Variants in SARS1 observed in about 807,000 individuals in gnomAD.
SARS1 encodes the protein seryl-tRNA synthetase 1.
Under a neutral mutation model 63.7 loss-of-function variants are expected in SARS1, and 25 were observed. The ratio of observed to expected loss-of-function variants is 0.39; its 90% CI spans 0.29 to 0.55. The LOEUF (loss-of-function observed/expected upper bound fraction) is 0.55, where lower values mean the gene tolerates loss of function less well. SARS1 is among the 20% of genes least tolerant of loss of function. The pLI, the probability that SARS1 is intolerant of heterozygous loss-of-function variation, is 0.62. For missense variants in SARS1, 417 were observed against 649.7 expected, an observed-to-expected ratio of 0.64 and a Z score of 3.89; for synonymous variants, 231 against 243.5, an observed-to-expected ratio of 0.95 and a Z score of 0.48.
At chr1:109,236,833 A>G (rs1329268814) in intron 9 of SARS1, 5 of 1,603,180 alleles carry the variant, frequency 3.1e-6, no homozygotes. Flanking sequence ...TTATCTACAC[A>G]GAACAAGTTG....
At chr1:109,215,742 A>G in intron 1 of SARS1, 1 of 792,038 alleles carries the variant, frequency 1.3e-6, no homozygotes, top group Non-Finnish European at 1.5e-6. Flanking sequence ...GTCTCTCATT[A>G]TCACCCAGAT....
In SARS1 at chr1:109,214,615, G is replaced by A. The variant is rs530798829; in HGVS notation, c.136+487G>A. 4 of 985,852 alleles carry A rather than the reference G, an allele frequency of 4.1e-6. No individual in the cohort carries two copies. In the South Asian group the frequency reaches 1.4e-4, roughly 35 times the overall value. 61.1% of individuals were successfully genotyped at this position (985,852 alleles called of 1,614,324 possible). A position where few individuals can be genotyped will look rare whatever the true frequency, so the allele number is the denominator to read the frequency against. ...TAGATTCATTCCTTCGGTATCGGAAGCATTTCGGGGCGTTGGAGGCCGCTC... is the reference window on the plus strand; with the variant it reads ...TAGATTCATTCCTTCGGTATCGGAAACATTTCGGGGCGTTGGAGGCCGCTC... On this transcript the variant is annotated intron_variant, in intron 1 of 10. Transcript: ENST00000234677. This position sits in a 1 kb window ranked among gnomAD's most constrained non-coding sequence, Gnocchi z 4.6.
chr1:109,231,800 GT>G lies in SARS1; in HGVS notation c.747+15del. ...GAACTTTATAAGGTGAGTAGCCTGGGTCAGGTGACAGAATGACTTCTTAAGT... is the reference window on the plus strand; with the variant it reads ...GAACTTTATAAGGTGAGTAGCCTGGGCAGGTGACAGAATGACTTCTTAAGT... On this transcript the variant is annotated intron_variant, in intron 6 of 10. Coordinates refer to ENST00000234677, the MANE Select transcript of SARS1 (RefSeq NM_006513.4). 1.3e-6 allele frequency: 2 copies of G among 1,502,972 alleles called. No individual in the cohort carries two copies. The highest frequency in any genetic ancestry group is 2.7e-5 in the South Asian group (2 of 73,986). 93.1% of individuals were successfully genotyped at this position (1,502,972 alleles called of 1,614,324 possible).
rs1655325993 is a variant in SARS1, at chr1:109,237,035, G to A, written c.1258-209G>A. On this transcript the variant is annotated intron_variant, in intron 9 of 10. Transcript: ENST00000234677. This position sits in a 1 kb window ranked among gnomAD's most constrained non-coding sequence, Gnocchi z 4.1. ...CAGAAGCTACCACTTGTCACTCATCGAAACATGAGGGATCTTTCTGCAGTT... is the reference window on the plus strand; with the variant it reads ...CAGAAGCTACCACTTGTCACTCATCAAAACATGAGGGATCTTTCTGCAGTT... The A allele has an allele frequency of 3.2e-6, 4 of 1,239,750 alleles. No homozygotes were observed. The highest frequency in any genetic ancestry group is 4.3e-4 in the Middle Eastern group (2 of 4,598). The allele number at this position is 1,239,750 out of a possible 1,614,324, so 76.8% of individuals were successfully genotyped here.
intron 2 of SARS1, 66 bp from the exon 3 acceptor site, chr1:109,228,286 A>G: frequency 8.5e-7 from 1 of 1,174,032 alleles, no homozygotes; most frequent in South Asian, 1.3e-5. Flanking sequence ...TTTGGTGTAC[A>G]CTTTATAAAA....
rs963981783 is a variant in SARS1 at position 109,216,397 on chromosome 1, G to T, written c.136+2269G>T. On this transcript the variant is annotated intron_variant, in intron 1 of 10. Transcript: ENST00000234677. ...TAACTTGGAGTGATAATACCACATTGGAACTCACAACTCTTCTAACTCCAG... is the reference window on the plus strand; with the variant it reads ...TAACTTGGAGTGATAATACCACATTTGAACTCACAACTCTTCTAACTCCAG... The T allele has an allele frequency of 9.1e-6, 9 of 985,136 alleles. No homozygotes were observed. The Admixed American group carries it at 4.9e-4, about 54-fold the overall frequency. The allele number at this position is 985,136 out of a possible 1,614,324, so 61.0% of individuals were successfully genotyped here. A position where few individuals can be genotyped will look rare whatever the true frequency, so the allele number is the denominator to read the frequency against.
Position 109,214,415 on chromosome 1 carries a change from C to A in SARS1, c.136+287C>A. On this transcript the variant is annotated intron_variant, in intron 1 of 10. Transcript: ENST00000234677. This position sits in a 1 kb window ranked among gnomAD's most constrained non-coding sequence, Gnocchi z 4.6. ...CGGGAGCTGTCAAGCCTTCCTGCCC[C>A]AGGGGTTGCCAGAACATGCCGGGGC... 1.4e-6 allele frequency: 1 copy of A among 703,796 alleles called. No homozygotes were observed. Among genetic ancestry groups the A allele is most frequent in the Non-Finnish European group, 2.0e-6 (1 of 512,570 alleles). The allele number at this position is 703,796 out of a possible 1,614,324, so 43.6% of individuals were successfully genotyped here.
At chr1:109,216,689 C>A in intron 1 of SARS1, 1 of 691,490 alleles carries the variant, frequency 1.4e-6, no homozygotes, top group Non-Finnish European at 1.8e-6. Flanking sequence ...GGCATGATCA[C>A]AGCTCACTGC....
chr1:109,230,923 A>C lies in SARS1; in HGVS notation c.493A>C (p.Arg165=), dbSNP rs1655196446. Residue 165 remains arginine, a synonymous_variant, in exon 5 of 11, where the codon AGG becomes CGG. Transcript: ENST00000234677. ...VERIWGDCTV[R]KKYSHVDLVV... ...GAGGATTTGGGGTGATTGTACAGTC[A>C]GGAAGAAGTACTCTCATGTGGACCT... 2 of 1,602,468 alleles carry C rather than the reference A, an allele frequency of 1.2e-6. No individual in the cohort carries two copies. The highest frequency in any genetic ancestry group is 2.2e-5 in the South Asian group (2 of 89,968).
rs66909315 is a variant in SARS1, at chr1:109,231,083, A to T, written c.591+62A>T. ...AAAGAAACAAAATATATATATATAT[A>T]TTTTTTTTTTTTTTTGTAGAGAAAC... On this transcript the variant is annotated intron_variant, in intron 5 of 10. Coordinates refer to ENST00000234677, the MANE Select transcript of SARS1 (RefSeq NM_006513.4). The T allele has an allele frequency of 6.1e-4, 415 of 680,480 alleles. 2 individuals are homozygous for T. The highest frequency in any genetic ancestry group is 2.8e-3 in the African/African-American group (130 of 47,018). 42.2% of individuals were successfully genotyped at this position (680,480 alleles called of 1,614,324 possible).
Position 109,235,908 on chromosome 1 carries a change from A to G in SARS1, c.970-69A>G, listed in dbSNP as rs1655297120. 1 of 1,443,662 alleles carries G rather than the reference A, an allele frequency of 6.9e-7. No individual in the cohort carries two copies. The highest frequency in any genetic ancestry group is 9.3e-7 in the Non-Finnish European group (1 of 1,070,402). 89.4% of individuals were successfully genotyped at this position (1,443,662 alleles called of 1,614,324 possible). A position where few individuals can be genotyped will look rare whatever the true frequency, so the allele number is the denominator to read the frequency against. On this transcript the variant is annotated intron_variant, in intron 7 of 10. Transcript: ENST00000234677. The surrounding 1 kb of genome is among the most constrained non-coding windows in gnomAD (Gnocchi z 4.7). The stretch of plus-strand genomic sequence containing the variant: ...GTGGAAACAGGTCTTCATGGCAAGG[A>G]TGTCTCCCACTTCAGTCCTTTATTC...
chr1:109,229,630 C>T (rs1030375268), intron 4 of SARS1, 58 bp downstream of exon 4: 30 of 1,553,432 alleles, frequency 1.9e-5, no homozygotes, highest in South Asian at 1.0e-4. Context: ...TCTGCAGGGG[C>T]GGGGACGGGA....
At position 109,224,039 on chromosome 1, in the gene SARS1, G is replaced by C; in HGVS notation, c.198G>C (p.Glu66Asp). ...LKNLCSKTIG[E>D]KMKKKEPVGD... Reference sequence around the variant, plus strand: ...ACCTATGCAGCAAGACAATCGGAGAGAAAATGAAGGTAAGAGAACTGAATA... The same window carrying C: ...ACCTATGCAGCAAGACAATCGGAGACAAAATGAAGGTAAGAGAACTGAATA... Residue 66 changes from glutamate (E) to aspartate (D), a missense_variant, in exon 2 of 11, where the codon GAG becomes GAC. Glu to Asp is a conservative substitution (Grantham distance 45). This residue lies in a region of SARS1 where 359 missense variants were observed against 529.6 expected (regional missense o/e 0.68). Coordinates refer to ENST00000234677, the MANE Select transcript of SARS1 (RefSeq NM_006513.4). The C allele has an allele frequency of 6.2e-7, 1 of 1,612,576 alleles. No individual in the cohort carries two copies. Among genetic ancestry groups the C allele is most frequent in the Non-Finnish European group, 8.5e-7 (1 of 1,178,608 alleles).
chr1:109,238,059 G>T lies in SARS1; in HGVS notation c.*171G>T, dbSNP rs1655352397. The T allele has an allele frequency of 1.4e-6, 1 of 692,326 alleles. No individual in the cohort carries two copies. Among genetic ancestry groups the T allele is most frequent in the Non-Finnish European group, 2.5e-6 (1 of 406,404 alleles). 42.9% of individuals were successfully genotyped at this position (692,326 alleles called of 1,614,324 possible). ...CACAGATGTTCCTGTCTCCTCGCATGGGCATAGGGACCCATCATTGATGAC... is the reference window on the plus strand; with the variant it reads ...CACAGATGTTCCTGTCTCCTCGCATTGGCATAGGGACCCATCATTGATGAC... On this transcript the variant is annotated 3_prime_UTR_variant, in exon 11 of 11. Coordinates refer to ENST00000234677, the MANE Select transcript of SARS1 (RefSeq NM_006513.4).
chr1:109,214,402 A>G lies in SARS1; in HGVS notation c.136+274A>G. On this transcript the variant is annotated intron_variant, in intron 1 of 10. Transcript: ENST00000234677. This position sits in a 1 kb window ranked among gnomAD's most constrained non-coding sequence, Gnocchi z 4.6. ...TACGCACGCGCATCGGGAGCTGTCA[A>G]GCCTTCCTGCCCCAGGGGTTGCCAG... 2 of 689,186 alleles carry G rather than the reference A, an allele frequency of 2.9e-6. No individual in the cohort carries two copies. The highest frequency in any genetic ancestry group is 2.0e-6 in the Non-Finnish European group (1 of 488,002). 42.7% of individuals were successfully genotyped at this position (689,186 alleles called of 1,614,324 possible).
intron 4 of SARS1, 37 bp from the exon 5 acceptor site, chr1:109,230,841 A>G (rs766845919): frequency 1.3e-5 from 20 of 1,530,608 alleles, no homozygotes; most frequent in Admixed American, 2.0e-5. Flanking sequence ...ATAAAATCAT[A>G]TGTCTTGTAT....
chr1:109,221,201 C>T (rs142897051), intron 1 of SARS1, among the ~76,000 whole-genome samples: 2,721 of 152,022 alleles, frequency 0.018, 50 homozygotes, highest in Middle Eastern at 0.034. Flanking sequence ...GCTGGGACTA[C>T]AGGTGCGTGC....
At chr1:109,229,217 G>A (rs571810064) in intron 3 of SARS1, among the ~76,000 whole-genome samples, 197 bp from the exon 4 acceptor site, 3 of 152,316 alleles carry the variant, frequency 2.0e-5, no homozygotes, top group East Asian at 1.9e-4. Flanking sequence ...GAAAAATGCC[G>A]ATGGATTTGT....
chr1:109,215,806 A>G (rs1654772073), intron 1 of SARS1: 1 of 382,912 alleles, frequency 2.6e-6, no homozygotes. Context: ...CCCGGTTTCA[A>G]GAGATTATCA....
Sources: allele counts gnomAD v4.1 joint callset (sites outside exome capture counted in the v4.1 genomes callset), GRCh38; gene constraint gnomAD v4.1.1; regional missense constraint gnomAD v4.1.1; non-coding constraint Gnocchi (gnomAD v3.1); transcripts MANE v1.5; gene names NCBI Gene and HGNC (gene_info 2026-07-23, HGNC 2026-07-21).